Variants in RNF212 observed in about 807,000 individuals in gnomAD.
RNF212 encodes the protein probable E3 SUMO-protein ligase RNF212.
In RNF212, 33 loss-of-function variants were observed where a neutral mutation model predicts 34.7. That is an observed-to-expected ratio of 0.95 (90% confidence interval 0.72 to 1.27). RNF212 has a LOEUF of 1.27. RNF212 is among the 50% of genes most tolerant of loss of function. RNF212 has a pLI of 0.00. For synonymous variants in RNF212, 140 were observed against 136.1 expected (o/e 1.03, Z -0.20); for missense variants, 377 against 362.2 (o/e 1.04, Z -0.33).
intron 2 of RNF212, among the ~76,000 whole-genome samples, chr4:1,103,601 A>C (rs1184526412): frequency 1.5e-5 from 2 of 136,882 alleles, no homozygotes; most frequent in Admixed American, 7.6e-5. Flanking sequence ...AATTCTAAAA[A>C]TAAATGCAAC....
intron 4 of RNF212, among the ~76,000 whole-genome samples, chr4:1,089,686 A>G (rs929998256): frequency 2.7e-5 from 4 of 149,636 alleles, no homozygotes; most frequent in African/African-American, 1.0e-4. Context: ...CAAGGGAGGG[A>G]TCCGGTGGGA....
intron 5 of RNF212, among the ~76,000 whole-genome samples, chr4:1,082,855 C>T (rs1720571555): frequency 1.3e-5 from 2 of 152,226 alleles, no homozygotes; most frequent in African/African-American, 4.8e-5. Flanking sequence ...CTGCGTCTGG[C>T]AGGGCCGTGG....
At chr4:1,108,487 C>T in intron 1 of RNF212, 83 bp from the exon 2 acceptor site, 1 of 665,088 alleles carries the variant, frequency 1.5e-6, no homozygotes, top group Non-Finnish European at 2.4e-6. Context: ...CAATGTTTCT[C>T]CAAGAAATAG....
chr4:1,060,423 GA>G (rs1717674120), intron 3 of RNF212, among the ~76,000 whole-genome samples: 1 of 152,216 alleles, frequency 6.6e-6, no homozygotes, highest in East Asian at 1.9e-4. Context: ...GATGCTAGAG[GA>G]AGGCCCGAAA....
chr4:1,079,252 C>A lies in RNF212; in HGVS notation c.510+391G>T, dbSNP rs111373612. On this transcript the variant is annotated intron_variant, in intron 8 of 9. Coordinates refer to ENST00000433731, the MANE Select transcript of RNF212 (RefSeq NM_001131034.4). The stretch of plus-strand genomic sequence containing the variant: ...ACATGGGACCAACACAGGGTCAACA[C>A]AGGACCAACATGGGACCAACACAGG... Among the ~76,000 whole-genome samples, 3 of 152,010 alleles carry A rather than the reference C, an allele frequency of 2.0e-5. 1 individual carries two copies. The highest frequency in any genetic ancestry group is 2.0e-4 in the Admixed American group (3 of 15,278).
At chr4:1,105,687 T>C (rs1350065283) in intron 2 of RNF212, among the ~76,000 whole-genome samples, 1 of 152,260 alleles carries the variant, frequency 6.6e-6, no homozygotes, top group Non-Finnish European at 1.5e-5. Context: ...TTCACCGAAG[T>C]GCTCACACAC....
chr4:1,112,429 A>G (rs1239513516), intron 1 of RNF212, among the ~76,000 whole-genome samples: 1 of 152,070 alleles, frequency 6.6e-6, no homozygotes, highest in Non-Finnish European at 1.5e-5. Context: ...TCGCTTGGTA[A>G]AAGCTCACTG....
At chr4:1,074,766 T>C (rs1719004645) in intron 8 of RNF212, among the ~76,000 whole-genome samples, 1 of 152,002 alleles carries the variant, frequency 6.6e-6, no homozygotes. Flanking sequence ...GAAGACAGAA[T>C]CTTGTGAAAT....
chr4:1,063,694 CAA>C (rs61295899), intron 3 of RNF212, among the ~76,000 whole-genome samples: 9 of 131,566 alleles, frequency 6.8e-5, no homozygotes, highest in Admixed American at 1.6e-4. Context: ...GACTCAGTCT[CAA>C]AAAAAAAAAA....
intron 5 of RNF212, 56 bp downstream of exon 5, chr4:1,085,840 A>T: frequency 8.6e-7 from 1 of 1,159,484 alleles, no homozygotes; most frequent in South Asian, 1.2e-5. Flanking sequence ...CAGACGACCA[A>T]TGCACATGGC....
chr4:1,085,874 C>T (rs545089923), intron 5 of RNF212, 22 bp downstream of exon 5: 21 of 1,591,666 alleles, frequency 1.3e-5, no homozygotes, highest in Middle Eastern at 1.7e-4. Context: ...ACTGCGCACT[C>T]ACGGGGGGTG....
At chr4:1,063,862 CCA>C (rs1235635542) in intron 3 of RNF212, among the ~76,000 whole-genome samples, 1 of 149,918 alleles carries the variant, frequency 6.7e-6, no homozygotes, top group Non-Finnish European at 1.5e-5. Flanking sequence ...TGGCAGAGAC[CCA>C]GTCTCAAAAA....
At chr4:1,098,757 C>A (rs967292634) in intron 2 of RNF212, among the ~76,000 whole-genome samples, 2 of 152,206 alleles carry the variant, frequency 1.3e-5, no homozygotes, top group Admixed American at 6.5e-5. Flanking sequence ...ACCCCCTCAG[C>A]CCCGGCCATG....
In RNF212 at chr4:1,072,870, C is replaced by T; in HGVS notation, c.*4G>A. ...AGAATCATTAATAGTCACATAAATG[C>T]AAATCAAAATGACTTTTTCCTTTCA... On this transcript the variant is annotated 3_prime_UTR_variant, in exon 10 of 10. Transcript: ENST00000433731. 1 of 1,584,654 alleles carries T rather than the reference C, an allele frequency of 6.3e-7. No homozygotes were observed. Among genetic ancestry groups the T allele is most frequent in the Non-Finnish European group, 8.6e-7 (1 of 1,164,110 alleles).
intron 5 of RNF212, among the ~76,000 whole-genome samples, chr4:1,084,955 G>A (rs1032321212): frequency 3.9e-5 from 6 of 152,184 alleles, no homozygotes; most frequent in East Asian, 1.9e-4. Context: ...TGTGACTGGC[G>A]TCACCAGCTT....
chr4:1,081,423 CG>C lies in RNF212; in HGVS notation c.459del (p.Asp154ThrfsTer20), dbSNP rs1560114362. ...GCLLPPHSSA[P>X]DRLESMEVDL... ...TTCTGCAAGCAACCCACACACCTGT[CG>C]GGGGCTGATGAGTGAGGTGGCAGCA... On this transcript the variant is annotated frameshift_variant, in exon 7 of 10. Transcript: ENST00000433731. LOFTEE classifies it high-confidence loss of function. The C allele has an allele frequency of 2.5e-6, 4 of 1,613,570 alleles. No homozygotes were observed. The highest frequency in any genetic ancestry group is 3.4e-6 in the Non-Finnish European group (4 of 1,179,698).
chr4:1,084,249 C>T (rs1720823489), intron 5 of RNF212, among the ~76,000 whole-genome samples: 1 of 152,148 alleles, frequency 6.6e-6, no homozygotes, highest in African/African-American at 2.4e-5. Flanking sequence ...CTGCGCCTGG[C>T]CCCTTTGATG....
At chr4:1,097,871 G>C (rs1255227497) in intron 2 of RNF212, among the ~76,000 whole-genome samples, 2 of 152,100 alleles carry the variant, frequency 1.3e-5, no homozygotes, top group African/African-American at 4.8e-5. Context: ...TTAAGACCAG[G>C]CTGGCCAACA....
At chr4:1,092,460 T>A (rs2153053039) in intron 3 of RNF212, among the ~76,000 whole-genome samples, 1 of 152,122 alleles carries the variant, frequency 6.6e-6, no homozygotes, top group African/African-American at 2.4e-5. Context: ...AGGACTCCAT[T>A]AGGGGGAGCC....
Sources: allele counts gnomAD v4.1 joint callset (sites outside exome capture counted in the v4.1 genomes callset), GRCh38; gene constraint gnomAD v4.1.1; transcripts MANE v1.5; gene names NCBI Gene and HGNC (gene_info 2026-07-23, HGNC 2026-07-21).